PDPN: variants seen among roughly 807,000 people sequenced by gnomAD.
The protein encoded by PDPN is podoplanin.
Under a neutral mutation model 23.2 loss-of-function variants are expected in PDPN, and 12 were observed. The observed-to-expected ratio is 0.52, with a 90% CI of 0.33 to 0.84. The LOEUF (loss-of-function observed/expected upper bound fraction) is 0.84. Among genes scored for constraint, PDPN ranks in the 40% least tolerant of loss-of-function variants. The probability of loss-of-function intolerance (pLI) is 0.02; values close to 1 mark genes in which losing one functional copy is unlikely to be tolerated. For synonymous variants in PDPN, 77 were observed against 76.7 expected (o/e 1.00, Z -0.02); for missense variants, 199 against 212.2 (o/e 0.94, Z 0.39).
intron 1 of PDPN, among the ~76,000 whole-genome samples, chr1:13,599,857 G>A (rs554515664): frequency 1.3e-5 from 2 of 152,290 alleles, no homozygotes; most frequent in South Asian, 4.1e-4. Flanking sequence ...GGCTGTAGAG[G>A]TGAACTCATG....
At chr1:13,592,874 A>G (rs1640387706) in intron 1 of PDPN, among the ~76,000 whole-genome samples, 1 of 152,166 alleles carries the variant, frequency 6.6e-6, no homozygotes, top group Admixed American at 6.6e-5. Context: ...TTCTTCGCTG[A>G]AGAATCTTGG....
chr1:13,614,901 G>T (rs1372241158), intron 5 of PDPN: 1 of 486,232 alleles, frequency 2.1e-6, no homozygotes, highest in Non-Finnish European at 4.0e-6. Context: ...GTCAGAGCCA[G>T]AGGTGGCTTG....
intron 2 of PDPN, among the ~76,000 whole-genome samples, chr1:13,608,883 G>A (rs1322012169): frequency 6.6e-6 from 1 of 151,902 alleles, no homozygotes; most frequent in Non-Finnish European, 1.5e-5. Flanking sequence ...GTTACAGCGG[G>A]AGGGGTAAAT....
At chr1:13,594,312 G>T (rs1261026) in intron 1 of PDPN, among the ~76,000 whole-genome samples, 64,133 of 151,914 alleles carry the variant, frequency 0.42, 15,306 homozygotes, top group East Asian at 0.66. Flanking sequence ...TTGGAAGAGC[G>T]CTGAAGGGAA....
At chr1:13,615,681 G>A (rs574798252) in intron 5 of PDPN, among the ~76,000 whole-genome samples, 4 of 152,216 alleles carry the variant, frequency 2.6e-5, no homozygotes, top group African/African-American at 9.6e-5. Context: ...AGGGATACAG[G>A]GGACAACACA....
intron 1 of PDPN, among the ~76,000 whole-genome samples, chr1:13,594,803 G>A (rs1452272399): frequency 1.3e-5 from 2 of 151,696 alleles, no homozygotes; most frequent in South Asian, 2.1e-4. Flanking sequence ...TGGCTAACAC[G>A]GTGAAATCCC....
chr1:13,613,644 T>A, intron 3 of PDPN, 43 bp from the exon 4 acceptor site: 1 of 967,452 alleles, frequency 1.0e-6, no homozygotes, highest in Non-Finnish European at 1.7e-6. Context: ...TTATAGTTAT[T>A]AAACCCTAAT....
rs1158325088 is a variant in PDPN, at chr1:13,591,064, C to T, written c.67+6964C>T. ...TCAAGCGATTCTCCTGCCTCCGTCT[C>T]CTGAGTAGCTGGGATTACAGGCACG... On this transcript the variant is annotated intron_variant, in intron 1 of 5. Transcript: ENST00000621990. 2.6e-5 allele frequency among the ~76,000 whole-genome samples: 4 copies of T among 152,164 alleles called. No homozygotes were observed. In the South Asian group the frequency reaches 8.3e-4, roughly 32 times the overall value.
chr1:13,615,962 T>C lies in PDPN; in HGVS notation c.*51T>C. ...CCAACGTGCTTAAAAAAAGACCGTTTCTGACTCTGTGCCCTGTCCCTGAGC... is the reference window on the plus strand; with the variant it reads ...CCAACGTGCTTAAAAAAAGACCGTTCCTGACTCTGTGCCCTGTCCCTGAGC... On this transcript the variant is annotated 3_prime_UTR_variant, in exon 6 of 6. Transcript: ENST00000621990. The C allele has an allele frequency of 6.4e-7, 1 of 1,566,710 alleles. No individual in the cohort carries two copies. Among genetic ancestry groups the C allele is most frequent in the Non-Finnish European group, 8.8e-7 (1 of 1,136,778 alleles).
At chr1:13,605,606 A>T (rs925288811) in intron 1 of PDPN, among the ~76,000 whole-genome samples, 4 of 152,114 alleles carry the variant, frequency 2.6e-5, no homozygotes, top group Non-Finnish European at 5.9e-5. Context: ...AGTCCACTCC[A>T]ATTCCCTGCT....
chr1:13,613,829 A>G (rs1640996560), intron 4 of PDPN, 104 bp downstream of exon 4: 19 of 670,736 alleles, frequency 2.8e-5, no homozygotes, highest in Non-Finnish European at 4.9e-5. Context: ...ATTGCAGTCA[A>G]TGAGAGCAGA....
intron 1 of PDPN, 73 bp downstream of exon 1, chr1:13,584,173 G>T (rs1423678029): frequency 6.4e-7 from 1 of 1,562,760 alleles, no homozygotes. Flanking sequence ...TGGAATGCCC[G>T]GGCCTGGTAT....
chr1:13,613,368 A>T (rs1329466430), intron 3 of PDPN, among the ~76,000 whole-genome samples: 1 of 152,136 alleles, frequency 6.6e-6, no homozygotes, highest in Non-Finnish European at 1.5e-5. Flanking sequence ...TTAACCTCTG[A>T]TACTCCTTGA....
chr1:13,598,647 C>T (rs1211656851), intron 1 of PDPN, among the ~76,000 whole-genome samples: 6 of 151,948 alleles, frequency 3.9e-5, no homozygotes, highest in Non-Finnish European at 8.8e-5. Context: ...ACCGAACCAC[C>T]GCTCCACACC....
At chr1:13,595,796 A>G in intron 1 of PDPN, 4 of 1,093,870 alleles carry the variant, frequency 3.7e-6, no homozygotes, top group Non-Finnish European at 4.9e-6. Flanking sequence ...GTGCCGTGCT[A>G]TCTTCAGCTA....
intron 1 of PDPN, among the ~76,000 whole-genome samples, chr1:13,599,371 ATCTTTTTTTT>A (rs1640581870): frequency 9.3e-6 from 1 of 106,954 alleles, no homozygotes; most frequent in African/African-American, 3.9e-5. Context: ...TCGAGAAGCT[ATCTTTTTTTT>A]TTTTTTTTTT....
chr1:13,614,457 C>A, intron 5 of PDPN, 46 bp downstream of exon 5: 1 of 973,294 alleles, frequency 1.0e-6, no homozygotes, highest in Non-Finnish European at 1.7e-6. Flanking sequence ...TGAAAGCCAT[C>A]GTGTCTAGAA....
Position 13,614,352 on chromosome 1 carries a change from C to T in PDPN, c.423C>T (p.Ala141=). The T allele has an allele frequency of 6.2e-7, 1 of 1,609,880 alleles. No homozygotes were observed. Among genetic ancestry groups the T allele is most frequent in the Non-Finnish European group, 8.5e-7 (1 of 1,176,158 alleles). The stretch of plus-strand genomic sequence containing the variant: ...GAATCATAGTTGGGGTCTTACTAGC[C>T]ATCGGCTTCATTGGTGCAATCATCG... ...LVGIIVGVLL[A]IGFIGAIIVV... is the part of the protein sequence containing the mutation. Residue 141 remains alanine, a synonymous_variant, in exon 5 of 6, where the codon GCC becomes GCT. Coordinates refer to ENST00000621990, the MANE Select transcript of PDPN (RefSeq NM_006474.5).
chr1:13,615,928 G>T lies in PDPN; in HGVS notation c.*17G>T. ...AGGCCCTAAAGAGCTGAAGGGTTACGCCCTGCTGCCAACGTGCTTAAAAAA... is the reference window on the plus strand; with the variant it reads ...AGGCCCTAAAGAGCTGAAGGGTTACTCCCTGCTGCCAACGTGCTTAAAAAA... On this transcript the variant is annotated 3_prime_UTR_variant, in exon 6 of 6. Coordinates refer to ENST00000621990, the MANE Select transcript of PDPN (RefSeq NM_006474.5). 6.2e-7 allele frequency: 1 copy of T among 1,612,362 alleles called. No individual in the cohort carries two copies. The highest frequency in any genetic ancestry group is 8.5e-7 in the Non-Finnish European group (1 of 1,178,490).
Sources: gnomAD v4.1 joint callset for allele counts (sites outside exome capture counted in the v4.1 genomes callset) on GRCh38, gnomAD v4.1.1 for gene constraint, MANE v1.5 for transcripts, NCBI Gene and HGNC (gene_info 2026-07-23, HGNC 2026-07-21) for gene names.